PHKB: variants seen among roughly 807,000 people sequenced by gnomAD.
The protein encoded by PHKB is phosphorylase kinase regulatory subunit beta, also known as phosphorylase b kinase regulatory subunit beta.
In PHKB, 122 loss-of-function variants were observed where a neutral mutation model predicts 152.1. The observed-to-expected ratio is 0.80, with a 90% CI of 0.69 to 0.93. PHKB has a LOEUF of 0.93. Among genes scored for constraint, PHKB ranks in the 40% least tolerant of loss-of-function variants. The pLI, the probability that PHKB is intolerant of heterozygous loss-of-function variation, is 0.00. For synonymous variants in PHKB, 436 were observed against 464.9 expected (o/e 0.94, Z 0.80); for missense variants, 1,304 against 1,328.4 (o/e 0.98, Z 0.29).
At chr16:47,680,241 G>C (rs1188576559) in intron 26 of PHKB, among the ~76,000 whole-genome samples, 4 of 152,050 alleles carry the variant, frequency 2.6e-5, no homozygotes, top group African/African-American at 9.7e-5. Flanking sequence ...TTTTTTGGTT[G>C]TGTCTCTGCC....
chr16:47,630,425 T>C (rs1372203032), intron 14 of PHKB, among the ~76,000 whole-genome samples: 1 of 151,388 alleles, frequency 6.6e-6, no homozygotes, highest in Non-Finnish European at 1.5e-5. Context: ...GAGGTTGCAG[T>C]GAGCTGAGAT....
chr16:47,615,295 A>G (rs950375826), intron 14 of PHKB, among the ~76,000 whole-genome samples: 1 of 152,172 alleles, frequency 6.6e-6, no homozygotes, highest in African/African-American at 2.4e-5. Flanking sequence ...TGGACTGCCC[A>G]AGGGTACCTG....
chr16:47,592,696 A>G (rs542270593), intron 10 of PHKB, among the ~76,000 whole-genome samples: 48 of 152,254 alleles, frequency 3.2e-4, no homozygotes, highest in African/African-American at 1.1e-3. Context: ...TTAGGCTGTG[A>G]GCCTCTGAGG....
chr16:47,463,156 G>A (rs1319327108), intron 1 of PHKB: 1 of 152,558 alleles, frequency 6.6e-6, no homozygotes, highest in Non-Finnish European at 1.5e-5. Context: ...ACTTTCATAA[G>A]CTCATAGAGT....
chr16:47,669,898 A>G (rs1314792707), intron 26 of PHKB, among the ~76,000 whole-genome samples: 2 of 152,216 alleles, frequency 1.3e-5, no homozygotes, highest in Non-Finnish European at 2.9e-5. Context: ...AAATCAAAAT[A>G]AGGCTCTGAT....
chr16:47,467,091 A>C (rs1373735623), intron 1 of PHKB, among the ~76,000 whole-genome samples: 1 of 152,190 alleles, frequency 6.6e-6, no homozygotes, highest in African/African-American at 2.4e-5. Context: ...TATGCAAAAC[A>C]CCTGATATTT....
chr16:47,482,706 T>C (rs1252009884), intron 1 of PHKB, among the ~76,000 whole-genome samples: 1 of 152,176 alleles, frequency 6.6e-6, no homozygotes, highest in African/African-American at 2.4e-5. Context: ...ATCAGTATAA[T>C]AACAAGACAT....
chr16:47,642,746 G>A (rs1973047034), intron 16 of PHKB, among the ~76,000 whole-genome samples: 3 of 152,214 alleles, frequency 2.0e-5, no homozygotes, highest in Admixed American at 6.5e-5. Flanking sequence ...AGGTCACCAA[G>A]AGCACCAGCT....
At chr16:47,696,781 C>G (rs1025295538) in intron 29 of PHKB, among the ~76,000 whole-genome samples, 1 of 152,200 alleles carries the variant, frequency 6.6e-6, no homozygotes, top group African/African-American at 2.4e-5. Context: ...CACCCCTTAG[C>G]ATCAAGTGTA....
chr16:47,528,604 G>A (rs1970805756), intron 6 of PHKB, among the ~76,000 whole-genome samples: 1 of 151,318 alleles, frequency 6.6e-6, no homozygotes, highest in Non-Finnish European at 1.5e-5. Flanking sequence ...GAATGTAAAT[G>A]AGTCATGGAT....
rs758116163 is a variant in PHKB, at chr16:47,532,577, C to T, written c.595-14856C>T. Among the ~76,000 whole-genome samples, 57 of 152,310 alleles carry T rather than the reference C, an allele frequency of 3.7e-4. 1 individual carries two copies. Among genetic ancestry groups the T allele is most frequent in the Admixed American group, 6.5e-4 (10 of 15,300 alleles). ...CAGTCAAATATGCTAGCTGCTGCAA[C>T]GGAGTGGGCAGCTCTAGGTGTTGGC... On this transcript the variant is annotated intron_variant, in intron 6 of 30. Coordinates refer to ENST00000323584, the MANE Select transcript of PHKB (RefSeq NM_000293.3).
intron 12 of PHKB, 136 bp from the exon 13 acceptor site, chr16:47,596,237 G>A: frequency 1.5e-6 from 1 of 649,180 alleles, no homozygotes; most frequent in Non-Finnish European, 2.6e-6. Context: ...GGCCTCCCCA[G>A]CCATGTGGAA....
At chr16:47,593,139 A>C (rs1353462596) in intron 10 of PHKB, among the ~76,000 whole-genome samples, 2 of 141,496 alleles carry the variant, frequency 1.4e-5, no homozygotes, top group African/African-American at 2.6e-5. Context: ...GAGAGAGAGA[A>C]AGGAAGGAAG....
At chr16:47,635,654 A>G (rs1225803532) in intron 14 of PHKB, among the ~76,000 whole-genome samples, 1 of 152,194 alleles carries the variant, frequency 6.6e-6, no homozygotes, top group African/African-American at 2.4e-5. Flanking sequence ...AAGTGACAAG[A>G]TAGGACTTGT....
At chr16:47,697,882 G>T (rs1423207025) in intron 29 of PHKB, among the ~76,000 whole-genome samples, 1 of 152,232 alleles carries the variant, frequency 6.6e-6, no homozygotes, top group African/African-American at 2.4e-5. Context: ...GACCAAATAG[G>T]ACTTTTGTCA....
chr16:47,603,660 C>A (rs531112717), intron 13 of PHKB, among the ~76,000 whole-genome samples: 1 of 151,984 alleles, frequency 6.6e-6, no homozygotes, highest in African/African-American at 2.4e-5. Context: ...CTCACCACCA[C>A]GCCCGGCTAA....
At chr16:47,538,149 C>T (rs1274829299) in intron 6 of PHKB, among the ~76,000 whole-genome samples, 1 of 152,152 alleles carries the variant, frequency 6.6e-6, no homozygotes, top group Non-Finnish European at 1.5e-5. Flanking sequence ...GCTGCCTCAG[C>T]CTCCCGAAGT....
chr16:47,464,591 G>C (rs1321036141), intron 1 of PHKB, among the ~76,000 whole-genome samples: 1 of 152,160 alleles, frequency 6.6e-6, no homozygotes, highest in Non-Finnish European at 1.5e-5. Context: ...TTGCTCTTCA[G>C]ACGTGTGCAC....
intron 6 of PHKB, among the ~76,000 whole-genome samples, chr16:47,524,889 A>ATATCATGAAAAT (rs1366603964): frequency 2.0e-5 from 3 of 152,106 alleles, no homozygotes; most frequent in African/African-American, 4.8e-5. Flanking sequence ...TCTTTTTACT[A>ATATCATGAAAAT]TATCATGAAA....
Sources: gnomAD v4.1 joint callset for allele counts (sites outside exome capture counted in the v4.1 genomes callset) on GRCh38, gnomAD v4.1.1 for gene constraint, MANE v1.5 for transcripts, NCBI Gene and HGNC (gene_info 2026-07-23, HGNC 2026-07-21) for gene names.